Variants in MTFR2 observed in about 807,000 individuals in gnomAD.
The protein encoded by MTFR2 is mitochondrial fission regulator 2, also known as DUF729 domain-containing protein 1.
Under a neutral mutation model 41.2 loss-of-function variants are expected in MTFR2, and 44 were observed. The ratio of observed to expected loss-of-function variants is 1.07; its 90% CI spans 0.84 to 1.37. The LOEUF is 1.37. Among genes scored for constraint, MTFR2 ranks in the 40% most tolerant of loss-of-function variants. The probability of loss-of-function intolerance (pLI) is 0.00; values close to 1 mark genes in which losing one functional copy is unlikely to be tolerated. For synonymous variants in MTFR2, 141 were observed against 154.6 expected (o/e 0.91, Z 0.65); for missense variants, 452 against 459.5 (o/e 0.98, Z 0.15).
At chr6:136,234,736 CA>C (rs1779859763) in intron 6 of MTFR2, among the ~76,000 whole-genome samples, 2 of 152,184 alleles carry the variant, frequency 1.3e-5, no homozygotes, top group Non-Finnish European at 2.9e-5. Context: ...AGAATGAAAA[CA>C]GATCACTGAG....
At chr6:136,235,925 C>T (rs1177929150) in intron 6 of MTFR2, among the ~76,000 whole-genome samples, 12 of 151,734 alleles carry the variant, frequency 7.9e-5, no homozygotes, top group Admixed American at 2.6e-4. Flanking sequence ...AGCGAGACTC[C>T]GTCTCAAAAA....
intron 6 of MTFR2, among the ~76,000 whole-genome samples, chr6:136,234,595 G>A (rs1779856658): frequency 6.6e-6 from 1 of 152,158 alleles, no homozygotes; most frequent in African/African-American, 2.4e-5. Context: ...GCTGGCTCCT[G>A]GAGGGGCCTA....
intron 6 of MTFR2, among the ~76,000 whole-genome samples, chr6:136,238,046 G>A (rs1779954385): frequency 6.6e-6 from 1 of 152,118 alleles, no homozygotes; most frequent in Non-Finnish European, 1.5e-5. Context: ...CCAAAAATTA[G>A]AAATAGAACT....
intron 6 of MTFR2, among the ~76,000 whole-genome samples, chr6:136,234,300 GTC>G (rs1779847258): frequency 7.8e-6 from 1 of 128,240 alleles, no homozygotes; most frequent in African/African-American, 3.1e-5. Context: ...GCAACACCCT[GTC>G]TCAAAAAAAA....
intron 1 of MTFR2, 26 bp downstream of exon 1, chr6:136,249,950 A>G (rs1261717743): frequency 6.6e-6 from 1 of 152,104 alleles, no homozygotes; most frequent in Admixed American, 6.6e-5. Flanking sequence ...GGTGCTCTCC[A>G]AACACAGCGT....
intron 3 of MTFR2, among the ~76,000 whole-genome samples, chr6:136,244,067 C>A (rs534586356): frequency 6.6e-6 from 1 of 151,980 alleles, no homozygotes; most frequent in East Asian, 1.9e-4. Flanking sequence ...ACAAAAGAGT[C>A]AAAAATTTTT....
At chr6:136,242,436 CA>C (rs1780103884) in intron 4 of MTFR2, among the ~76,000 whole-genome samples, 1 of 152,046 alleles carries the variant, frequency 6.6e-6, no homozygotes, top group Admixed American at 6.6e-5. Context: ...CAGTTTGATA[CA>C]TAATAAAATC....
chr6:136,231,583 A>G (rs1397855376), intron 7 of MTFR2, among the ~76,000 whole-genome samples, 195 bp from the exon 8 acceptor site: 1 of 150,126 alleles, frequency 6.7e-6, no homozygotes, highest in Non-Finnish European at 1.5e-5. Context: ...TGAACGAGAC[A>G]CTCTCAGCGG....
chr6:136,238,314 A>T (rs1779958895), intron 6 of MTFR2, among the ~76,000 whole-genome samples: 1 of 152,254 alleles, frequency 6.6e-6, no homozygotes, highest in Non-Finnish European at 1.5e-5. Flanking sequence ...AGGCATCTAA[A>T]GTAATCAAAC....
chr6:136,247,000 C>G (rs76366519), intron 2 of MTFR2, among the ~76,000 whole-genome samples: 1 of 152,110 alleles, frequency 6.6e-6, no homozygotes, highest in African/African-American at 2.4e-5. Flanking sequence ...CTGAGAAAAC[C>G]GAGAACTTCA....
At chr6:136,238,049 A>G (rs931772485) in intron 6 of MTFR2, among the ~76,000 whole-genome samples, 3 of 152,182 alleles carry the variant, frequency 2.0e-5, no homozygotes, top group African/African-American at 7.2e-5. Flanking sequence ...AAAATTAGAA[A>G]TAGAACTACC....
intron 6 of MTFR2, among the ~76,000 whole-genome samples, chr6:136,234,016 C>G (rs9494490): frequency 2.6e-5 from 4 of 151,816 alleles, no homozygotes; most frequent in Admixed American, 2.6e-4. Flanking sequence ...GATCATTTGG[C>G]TGGTAATAAG....
At chr6:136,242,101 A>C (rs1462992769) in intron 4 of MTFR2, among the ~76,000 whole-genome samples, 1 of 150,514 alleles carries the variant, frequency 6.6e-6, no homozygotes, top group Non-Finnish European at 1.5e-5. Context: ...AAAAAAAAAA[A>C]AAAAAAACCT....
intron 6 of MTFR2, among the ~76,000 whole-genome samples, chr6:136,238,341 G>C (rs1779959473): frequency 6.6e-6 from 1 of 152,208 alleles, no homozygotes; most frequent in Non-Finnish European, 1.5e-5. Context: ...AGACACAGTG[G>C]CTCTTGCCTG....
intron 7 of MTFR2, among the ~76,000 whole-genome samples, 159 bp from the exon 8 acceptor site, chr6:136,231,547 A>G (rs1779755997): frequency 1.3e-5 from 2 of 151,962 alleles, no homozygotes; most frequent in Non-Finnish European, 2.9e-5. Context: ...TGTATCAGGT[A>G]CTACGCTCAG....
chr6:136,249,816 C>T (rs1780316817), intron 1 of MTFR2, among the ~76,000 whole-genome samples, 160 bp downstream of exon 1: 1 of 152,136 alleles, frequency 6.6e-6, no homozygotes, highest in Non-Finnish European at 1.5e-5. Flanking sequence ...GAATGCCCAT[C>T]CCTCCTCACT....
chr6:136,234,369 C>T (rs536108581), intron 6 of MTFR2, among the ~76,000 whole-genome samples: 1 of 149,626 alleles, frequency 6.7e-6, no homozygotes, highest in East Asian at 1.9e-4. Flanking sequence ...TGATTAGGGA[C>T]AGAAGCACTT....
intron 3 of MTFR2, among the ~76,000 whole-genome samples, chr6:136,243,243 C>T (rs1583971850): frequency 6.6e-6 from 1 of 152,310 alleles, no homozygotes; most frequent in East Asian, 1.9e-4. Flanking sequence ...TTCACACTTG[C>T]CCATCTGTGA....
At chr6:136,238,823 T>C (rs1779972720) in intron 6 of MTFR2, among the ~76,000 whole-genome samples, 3 of 151,888 alleles carry the variant, frequency 2.0e-5, no homozygotes, top group African/African-American at 7.3e-5. Flanking sequence ...TCCCAGCGCT[T>C]TGGGAGGCCA....
Sources: gnomAD v4.1 joint callset for allele counts (sites outside exome capture counted in the v4.1 genomes callset) on GRCh38, gnomAD v4.1.1 for gene constraint, MANE v1.5 for transcripts, NCBI Gene and HGNC (gene_info 2026-07-23, HGNC 2026-07-21) for gene names.